NIPBL: variants seen among roughly 807,000 people sequenced by gnomAD.
NIPBL encodes NIPBL cohesin loading factor, also known as nipped-B-like protein.
NIPBL carries 19 observed loss-of-function variants against 321.8 expected under a neutral mutation model. The observed-to-expected ratio is 0.06, with a 90% confidence interval of 0.04 to 0.09. NIPBL has a LOEUF of 0.09. Ranked by LOEUF, NIPBL falls within the 10% of genes least tolerant of loss-of-function variation. NIPBL has a pLI of 1.00. For synonymous variants in NIPBL, 1,106 were observed against 1,114.1 expected (o/e 0.99, Z 0.14); for missense variants, 2,210 against 3,327.0 (o/e 0.66, Z 8.26).
Position 37,044,469 on chromosome 5 carries a change from C to T in NIPBL, c.6231C>T (p.Ile2077=), listed in dbSNP as rs376800486. Residue 2077 remains isoleucine (I), a synonymous_variant, in exon 35 of 47, where the codon ATC becomes ATT. Coordinates refer to ENST00000282516, the MANE Select transcript of NIPBL (RefSeq NM_133433.4). Reference sequence around the variant, plus strand: ...TTGAGGAAGATCTAATGAAGCTCATCATCAAATATGGCATGACTGTAAGCA... The same window carrying T: ...TTGAGGAAGATCTAATGAAGCTCATTATCAAATATGGCATGACTGTAAGCA... ...ATIEEDLMKL[I]IKYGMTVVQH... The T allele has an allele frequency of 4.3e-6, 7 of 1,613,836 alleles. No individual in the cohort carries two copies. The African/African-American group carries it at 8.0e-5, about 18-fold the overall frequency.
chr5:37,063,190 T>A (rs916651381), intron 45 of NIPBL, among the ~76,000 whole-genome samples: 2 of 152,154 alleles, frequency 1.3e-5, no homozygotes, highest in Non-Finnish European at 2.9e-5. Flanking sequence ...CTTAAAAAAA[T>A]TTTTAAAAAT....
At chr5:36,974,659 C>G (rs1411762384) in intron 8 of NIPBL, among the ~76,000 whole-genome samples, 1 of 151,980 alleles carries the variant, frequency 6.6e-6, no homozygotes, top group Non-Finnish European at 1.5e-5. Flanking sequence ...GTTAATTGCT[C>G]CCATATCATC....
intron 29 of NIPBL, 21 bp downstream of exon 29, chr5:37,022,411 A>T: frequency 6.3e-7 from 1 of 1,587,070 alleles, no homozygotes; most frequent in Non-Finnish European, 8.6e-7. Context: ...CATTTTTATA[A>T]TGATTCGTGA....
At chr5:37,038,098 TC>T (rs1013580167) in intron 33 of NIPBL, among the ~76,000 whole-genome samples, 4 of 146,978 alleles carry the variant, frequency 2.7e-5, no homozygotes, top group African/African-American at 1.0e-4. Context: ...GAAGCAATCC[TC>T]CCACCTCGGC....
chr5:36,949,068 A>G (rs1303664659), intron 1 of NIPBL, among the ~76,000 whole-genome samples: 1 of 151,908 alleles, frequency 6.6e-6, no homozygotes, highest in African/African-American at 2.4e-5. Context: ...AACACTTAGT[A>G]CATGCCCAGC....
intron 4 of NIPBL, 69 bp from the exon 5 acceptor site, chr5:36,961,415 T>A: frequency 1.1e-6 from 1 of 925,980 alleles, no homozygotes; most frequent in Non-Finnish European, 1.8e-6. Flanking sequence ...GAATAACTGA[T>A]TTCAGTTATT....
intron 1 of NIPBL, among the ~76,000 whole-genome samples, chr5:36,882,095 G>A (rs751123465): frequency 2.0e-5 from 3 of 151,870 alleles, no homozygotes; most frequent in Non-Finnish European, 4.4e-5. Flanking sequence ...GAGGTTGTGC[G>A]CTTATTCCAG....
chr5:37,002,579 T>C (rs1746949007), intron 14 of NIPBL, 83 bp from the exon 15 acceptor site: 1 of 947,444 alleles, frequency 1.1e-6, no homozygotes, highest in African/African-American at 1.6e-5. Flanking sequence ...TGTCTAAAAA[T>C]TTTATTAGAA....
At position 37,058,962 on chromosome 5, in the gene NIPBL, A is replaced by T. The variant is rs769043360; in HGVS notation, c.7482A>T (p.Glu2494Asp). ...AGGAAAATGAGTCAAGCGACAGTGA[A>T]GAAGAAGTTTCCAGGCCTCGGAAGT... ...PSKENESSDS[E>D]EEVSRPRKSR... Residue 2494 changes from glutamate (E) to aspartate (D), a missense_variant, in exon 44 of 47, where the codon GAA (glutamate) becomes GAT (aspartate). This residue lies in a region of NIPBL where 79 missense variants were observed against 90.8 expected (regional missense o/e 0.87). Transcript: ENST00000282516. 2 of 1,614,016 alleles carry T rather than the reference A, an allele frequency of 1.2e-6. No homozygotes were observed. Among genetic ancestry groups the T allele is most frequent in the South Asian group, 2.2e-5 (2 of 91,088 alleles).
chr5:36,944,093 A>G (rs546576879), intron 1 of NIPBL, among the ~76,000 whole-genome samples: 1 of 152,244 alleles, frequency 6.6e-6, no homozygotes, highest in East Asian at 1.9e-4. Flanking sequence ...ATTGTTGGAG[A>G]GAGATCATAG....
At chr5:36,886,436 G>C (rs757516729) in intron 1 of NIPBL, 1 of 741,742 alleles carries the variant, frequency 1.3e-6, no homozygotes, top group African/African-American at 1.7e-5. Context: ...ACCACCACCC[G>C]CTGGATAGTG....
chr5:37,003,878 AG>A (rs1447751835), intron 16 of NIPBL, among the ~76,000 whole-genome samples: 7 of 152,202 alleles, frequency 4.6e-5, no homozygotes, highest in African/African-American at 1.4e-4. Flanking sequence ...TGTCAATTTA[AG>A]GGGCAGTTCT....
chr5:37,009,214 T>C (rs991474176), intron 20 of NIPBL, among the ~76,000 whole-genome samples: 3 of 152,096 alleles, frequency 2.0e-5, no homozygotes, highest in Admixed American at 6.5e-5. Flanking sequence ...TCAAAGAGGA[T>C]TTTATAAGAT....
At chr5:36,962,997 G>A (rs1741798822) in intron 6 of NIPBL, among the ~76,000 whole-genome samples, 2 of 152,122 alleles carry the variant, frequency 1.3e-5, no homozygotes, top group Admixed American at 6.5e-5. Flanking sequence ...GTAATAATTT[G>A]TAGTAAAAAT....
At chr5:36,897,083 A>G (rs1003139058) in intron 1 of NIPBL, among the ~76,000 whole-genome samples, 2 of 150,872 alleles carry the variant, frequency 1.3e-5, no homozygotes, top group African/African-American at 2.4e-5. Context: ...GCTCACTGCA[A>G]CCTCCACTTC....
chr5:36,877,925 A>T (rs1480684367), intron 1 of NIPBL, among the ~76,000 whole-genome samples: 5 of 152,192 alleles, frequency 3.3e-5, no homozygotes, highest in Non-Finnish European at 5.9e-5. Flanking sequence ...GTGTTGTTGC[A>T]CATGGACTTT....
At chr5:37,047,874 A>T (rs1753140685) in intron 38 of NIPBL, among the ~76,000 whole-genome samples, 1 of 152,256 alleles carries the variant, frequency 6.6e-6, no homozygotes, top group Non-Finnish European at 1.5e-5. Context: ...GCTACTTATT[A>T]ACCCGTGGTT....
At position 36,985,516 on chromosome 5, in the gene NIPBL, T is replaced by C; in HGVS notation, c.2336T>C (p.Val779Ala). 6.2e-7 allele frequency: 1 copy of C among 1,613,516 alleles called. No individual in the cohort carries two copies. Among genetic ancestry groups the C allele is most frequent in the South Asian group, 1.1e-5 (1 of 91,082 alleles). The part of the protein sequence containing the change: ...GKPSTEKKPE[V>A]SKHKQDTKSD... Reference sequence around the variant, plus strand: ...CCATCTACAGAGAAAAAACCTGAAGTGTCTAAACATAAACAAGATACTAAA... The same window carrying C: ...CCATCTACAGAGAAAAAACCTGAAGCGTCTAAACATAAACAAGATACTAAA... Residue 779 changes from valine to alanine, a missense_variant, in exon 10 of 47, where the codon GTG becomes GCG. Physicochemically the swap from Val to Ala is moderately conservative, Grantham distance 64. Transcript: ENST00000282516.
chr5:37,016,614 T>A (rs1225515373), intron 23 of NIPBL, among the ~76,000 whole-genome samples: 2 of 152,314 alleles, frequency 1.3e-5, no homozygotes, highest in East Asian at 3.9e-4. Context: ...CATTTGAACT[T>A]GCACAATACA....
Sources: allele counts gnomAD v4.1 joint callset (sites outside exome capture counted in the v4.1 genomes callset), GRCh38; gene constraint gnomAD v4.1.1; regional missense constraint gnomAD v4.1.1; transcripts MANE v1.5; gene names NCBI Gene and HGNC (gene_info 2026-07-23, HGNC 2026-07-21).